The following LEPR variants were observed in gnomAD, a reference collection of about 807,000 sequenced individuals.
LEPR encodes OB receptor.
Under a neutral mutation model 114.7 loss-of-function variants are expected in LEPR, and 56 were observed. That is an observed-to-expected ratio of 0.49 (90% CI 0.39 to 0.61). The LOEUF is 0.61. LEPR is among the 20% of genes least tolerant of loss of function. The pLI, the probability that LEPR is intolerant of heterozygous loss-of-function variation, is 0.00. For synonymous variants in LEPR, 443 were observed against 461.4 expected (o/e 0.96, Z 0.51); for missense variants, 1,202 against 1,352.9 (o/e 0.89, Z 1.75).
chr1:65,618,789 A>T (rs1210198483), intron 16 of LEPR, among the ~76,000 whole-genome samples: 1 of 152,110 alleles, frequency 6.6e-6, no homozygotes, highest in Non-Finnish European at 1.5e-5. Context: ...TCCAAAGTCC[A>T]CTTAAACTGT....
At chr1:65,631,700 A>G (rs1160936013) in intron 19 of LEPR, among the ~76,000 whole-genome samples, 1 of 152,120 alleles carries the variant, frequency 6.6e-6, no homozygotes, top group Non-Finnish European at 1.5e-5. Context: ...CATATATTGA[A>G]TTTTTGTTGT....
chr1:65,421,387 C>T (rs1189921341), intron 1 of LEPR: 4 of 1,535,828 alleles, frequency 2.6e-6, no homozygotes, highest in African/African-American at 1.4e-5. Flanking sequence ...GTAAAAACAC[C>T]GCGTCCCTTA....
intron 2 of LEPR, among the ~76,000 whole-genome samples, chr1:65,445,190 A>G (rs1300611213): frequency 2.6e-5 from 4 of 151,196 alleles, no homozygotes; most frequent in Admixed American, 6.6e-5. Flanking sequence ...CTGAGTTTAA[A>G]TTAATTCTTC....
At chr1:65,427,989 TA>T (rs980164462) in intron 2 of LEPR, 5 of 157,960 alleles carry the variant, frequency 3.2e-5, no homozygotes, top group African/African-American at 1.2e-4. Context: ...GTTTTTGTAA[TA>T]AAGGTTTTAT....
In LEPR at chr1:65,480,067, C is replaced by T. The variant is rs141337625; in HGVS notation, c.-21+54689C>T. Among the ~76,000 whole-genome samples, 1,450 of 152,246 alleles carry T rather than the reference C, an allele frequency of 9.5e-3. 76 individuals carry two copies. Among genetic ancestry groups the T allele is most frequent in the Admixed American group, 0.081 (1,240 of 15,280 alleles). The stretch of plus-strand genomic sequence containing the variant: ...TGCGAGCAGTGCCTGTCAATCTACC[C>T]TTCAGTTCTAGATTTGAGAAAAGTA... On this transcript the variant is annotated intron_variant, in intron 2 of 19. Coordinates refer to ENST00000349533, the MANE Select transcript of LEPR (RefSeq NM_002303.6).
rs141781141 is a variant in LEPR, at chr1:65,570,872, A to G, written c.370+70A>G. 38 of 1,296,176 alleles carry G rather than the reference A, an allele frequency of 2.9e-5. No homozygotes were observed. The African/African-American group carries it at 4.9e-4, about 17-fold the overall frequency. The allele number at this position is 1,296,176 out of a possible 1,614,324, so 80.3% of individuals were successfully genotyped here. On this transcript the variant is annotated intron_variant, in intron 4 of 19. Coordinates refer to ENST00000349533, the MANE Select transcript of LEPR (RefSeq NM_002303.6). ...ATTCTTTGATACCTGTATGAAATAGATGTCTTATGGCTATGATTTTAACAT... is the reference window on the plus strand; with the variant it reads ...ATTCTTTGATACCTGTATGAAATAGGTGTCTTATGGCTATGATTTTAACAT...
At chr1:65,425,619 C>T (rs1174213690) in intron 2 of LEPR, among the ~76,000 whole-genome samples, 2 of 144,848 alleles carry the variant, frequency 1.4e-5, no homozygotes, top group African/African-American at 5.3e-5. Context: ...TGGGGACACA[C>T]AAATGAAGAG....
intron 2 of LEPR, among the ~76,000 whole-genome samples, chr1:65,555,788 A>G (rs1424592341): frequency 6.6e-6 from 1 of 152,156 alleles, no homozygotes; most frequent in East Asian, 1.9e-4. Context: ...TGATTTTCTA[A>G]TGAGAATTGA....
chr1:65,572,363 C>T lies in LEPR; in HGVS notation c.408C>T (p.Asp136=), dbSNP rs995814579. 7.6e-7 allele frequency: 1 copy of T among 1,323,568 alleles called. No homozygotes were observed. The highest frequency in any genetic ancestry group is 1.6e-5 in the African/African-American group (1 of 60,738). 82.0% of individuals were successfully genotyped at this position (1,323,568 alleles called of 1,614,324 possible). A position where few individuals can be genotyped will look rare whatever the true frequency, so the allele number is the denominator to read the frequency against. ...NWNIQCWLKG[D]LKLFICYVES... ...ACATACAGTGCTGGCTAAAAGGAGA[C>T]TTAAAATTATTCATCTGTTATGTGG... The change falls in exon 5 of 20, where the codon GAC becomes GAT. Residue 136 remains aspartate, a synonymous_variant. Coordinates refer to ENST00000349533, the MANE Select transcript of LEPR (RefSeq NM_002303.6).
At chr1:65,544,962 C>T (rs1366263698) in intron 2 of LEPR, among the ~76,000 whole-genome samples, 2 of 149,870 alleles carry the variant, frequency 1.3e-5, no homozygotes, top group South Asian at 2.1e-4. Flanking sequence ...CCCACTCCCC[C>T]CACCCCACAA....
At chr1:65,496,117 A>T (rs371382055) in intron 2 of LEPR, among the ~76,000 whole-genome samples, 158 of 152,308 alleles carry the variant, frequency 1.0e-3, no homozygotes, top group African/African-American at 3.6e-3. Flanking sequence ...CCCTGATATG[A>T]TCATTACACA....
At position 65,636,807 on chromosome 1, in the gene LEPR, A is replaced by T. The variant is rs1184072262; in HGVS notation, c.3290A>T (p.Lys1097Met). 2 of 1,613,904 alleles carry T rather than the reference A, an allele frequency of 1.2e-6. No homozygotes were observed. The stretch of plus-strand genomic sequence containing the variant: ...GAGAGTGGTGTGCTTTTGACTGACA[A>T]GTCAAGGGTATCGTGCCCATTCCCA... The part of the protein sequence containing the change: ...KRESGVLLTD[K>M]SRVSCPFPAP... The change falls in exon 20 of 20, where the codon AAG (lysine) becomes ATG (methionine). Residue 1097 changes from lysine (K) to methionine (M), a missense_variant. Physicochemically the swap from Lys to Met is moderately conservative, Grantham distance 95. Coordinates refer to ENST00000349533, the MANE Select transcript of LEPR (RefSeq NM_002303.6).
rs557853977 is a variant in LEPR, at chr1:65,635,085, T to C, written c.2674-1106T>C. 1.7e-5 allele frequency: 15 copies of C among 902,472 alleles called. No homozygotes were observed. The South Asian group carries it at 6.7e-4, about 40-fold the overall frequency. The allele number at this position is 902,472 out of a possible 1,614,324, so 55.9% of individuals were successfully genotyped here. ...TTTACTTAAGAGTATAAAACTATGCTAAATAAATTGTATTGTATATGGAAT... is the reference window on the plus strand; with the variant it reads ...TTTACTTAAGAGTATAAAACTATGCCAAATAAATTGTATTGTATATGGAAT... On this transcript the variant is annotated intron_variant, in intron 19 of 19. Coordinates refer to ENST00000349533, the MANE Select transcript of LEPR (RefSeq NM_002303.6).
chr1:65,619,542 T>TA (rs1306100899), intron 16 of LEPR, among the ~76,000 whole-genome samples: 1 of 151,994 alleles, frequency 6.6e-6, no homozygotes, highest in Non-Finnish European at 1.5e-5. Context: ...GAATTCCTAT[T>TA]AAAAAAAGGA....
intron 5 of LEPR, 138 bp from the exon 6 acceptor site, chr1:65,592,519 G>GC: frequency 1.3e-6 from 1 of 754,808 alleles, no homozygotes; most frequent in Non-Finnish European, 2.0e-6. Flanking sequence ...TTCTAATGTA[G>GC]GGTTTTTTTT....
At chr1:65,615,926 T>C in intron 14 of LEPR, 82 bp from the exon 15 acceptor site, 1 of 1,575,564 alleles carries the variant, frequency 6.3e-7, no homozygotes, top group Non-Finnish European at 8.7e-7. Context: ...TAATAAGAAA[T>C]GTAGAATGAG....
chr1:65,550,965 T>TC (rs34559313), intron 2 of LEPR, among the ~76,000 whole-genome samples: 1 of 151,942 alleles, frequency 6.6e-6, no homozygotes, highest in African/African-American at 2.4e-5. Flanking sequence ...CCTTGGCTCC[T>TC]CCCCCCATCA....
intron 16 of LEPR, 91 bp from the exon 17 acceptor site, chr1:65,619,837 G>A: frequency 1.0e-6 from 1 of 1,004,250 alleles, no homozygotes; most frequent in Non-Finnish European, 1.5e-6. Context: ...GGAAATATAT[G>A]ATAGTCACTT....
intron 2 of LEPR, among the ~76,000 whole-genome samples, chr1:65,528,618 A>G (rs1220919222): frequency 1.3e-5 from 2 of 152,060 alleles, no homozygotes. Context: ...TGTAATGAAT[A>G]TAGAGAGAAG....
Sources: allele counts gnomAD v4.1 joint callset (sites outside exome capture counted in the v4.1 genomes callset), GRCh38; gene constraint gnomAD v4.1.1; transcripts MANE v1.5; gene names NCBI Gene and HGNC (gene_info 2026-07-23, HGNC 2026-07-21).